Variants in TOGARAM1 observed in about 807,000 individuals in gnomAD.
TOGARAM1 encodes TOG array regulator of axonemal microtubules protein 1.
TOGARAM1 carries 100 observed loss-of-function variants against 166.6 expected under a neutral mutation model. The ratio of observed to expected loss-of-function variants is 0.60; its 90% CI spans 0.51 to 0.71. The LOEUF (loss-of-function observed/expected upper bound fraction) is 0.71. TOGARAM1 is among the 30% of genes least tolerant of loss of function. The pLI is 0.00. For missense variants in TOGARAM1, 2,029 were observed against 2,102.7 expected (o/e 0.96, Z 0.69); for synonymous variants, 758 against 763.8 (o/e 0.99, Z 0.13).
chr14:45,063,672 G>T (rs1883008816), intron 16 of TOGARAM1, among the ~76,000 whole-genome samples: 1 of 151,924 alleles, frequency 6.6e-6, no homozygotes, highest in African/African-American at 2.4e-5. Flanking sequence ...TAGAGACAGG[G>T]TTTCACGATG....
At chr14:44,965,803 T>G (rs1885496188) in intron 1 of TOGARAM1, among the ~76,000 whole-genome samples, 1 of 152,158 alleles carries the variant, frequency 6.6e-6, no homozygotes, top group Middle Eastern at 3.4e-3. Context: ...TTTCACCCAC[T>G]GTGTTTAGCA....
intron 2 of TOGARAM1, chr14:44,997,480 G>T (rs1253158491): frequency 6.7e-6 from 1 of 149,848 alleles, no homozygotes; most frequent in Non-Finnish European, 1.5e-5. Flanking sequence ...GATATAGTTT[G>T]CTGGTAGATT....
chr14:45,006,627 CAT>C (rs1401410812), intron 5 of TOGARAM1: 2 of 158,192 alleles, frequency 1.3e-5, no homozygotes, highest in East Asian at 1.8e-4. Context: ...ATAAATGAAA[CAT>C]AGCATAGTTC....
chr14:45,037,289 C>G (rs571628327), intron 11 of TOGARAM1, among the ~76,000 whole-genome samples: 13 of 152,326 alleles, frequency 8.5e-5, no homozygotes, highest in African/African-American at 3.1e-4. Flanking sequence ...GAGGTAAAGC[C>G]TCCCCAGGAT....
chr14:44,991,189 C>G (rs1887111614), intron 1 of TOGARAM1, among the ~76,000 whole-genome samples: 1 of 151,954 alleles, frequency 6.6e-6, no homozygotes, highest in Non-Finnish European at 1.5e-5. Flanking sequence ...AACTCCTGAG[C>G]TCAAATAATC....
chr14:45,022,366 C>G (rs965320713), intron 7 of TOGARAM1, among the ~76,000 whole-genome samples: 4 of 148,950 alleles, frequency 2.7e-5, no homozygotes, highest in African/African-American at 1.0e-4. Context: ...AGTTGCCAGT[C>G]TTCTCCTAGG....
intron 1 of TOGARAM1, among the ~76,000 whole-genome samples, chr14:44,995,264 A>G (rs954229803): frequency 2.6e-5 from 4 of 152,236 alleles, no homozygotes; most frequent in Non-Finnish European, 5.9e-5. Context: ...TAAGGGAACT[A>G]TGACATAGGT....
intron 7 of TOGARAM1, among the ~76,000 whole-genome samples, chr14:45,013,656 C>G (rs1378143137): frequency 2.0e-5 from 3 of 152,188 alleles, no homozygotes; most frequent in African/African-American, 7.2e-5. Flanking sequence ...AATCTAAGTT[C>G]ATGACATATA....
chr14:44,973,016 TG>T (rs1402407378), intron 1 of TOGARAM1, among the ~76,000 whole-genome samples: 4 of 149,614 alleles, frequency 2.7e-5, no homozygotes, highest in Non-Finnish European at 5.9e-5. Context: ...ACTTGGGTTT[TG>T]TTTTTTGACC....
Position 44,962,464 on chromosome 14 carries a change from C to T in TOGARAM1, c.43C>T (p.Pro15Ser). 1.9e-6 allele frequency: 3 copies of T among 1,597,180 alleles called. No homozygotes were observed. Among genetic ancestry groups the T allele is most frequent in the East Asian group, 2.2e-5 (1 of 44,724 alleles). ...PSALLLLPPF[P>S]VLSTYRLQSR... ...CGCGCTGCTTCTGCTGCCGCCCTTTCCAGTCCTCTCTACCTATCGGCTCCA... is the reference window on the plus strand; with the variant it reads ...CGCGCTGCTTCTGCTGCCGCCCTTTTCAGTCCTCTCTACCTATCGGCTCCA... The change falls in exon 1 of 20, where the codon CCA (proline) becomes TCA (serine). Residue 15 changes from proline to serine, a missense_variant. Around this residue, in one of 2 missense-constraint regions of TOGARAM1, gnomAD observed 1,453 missense variants for 1,432.2 expected, o/e 1.01. Coordinates refer to ENST00000361462, the MANE Select transcript of TOGARAM1 (RefSeq NM_001308120.2).
chr14:45,071,924 G>A (rs1283546791), intron 19 of TOGARAM1, 126 bp downstream of exon 19: 1 of 646,556 alleles, frequency 1.5e-6, no homozygotes, highest in Non-Finnish European at 2.6e-6. Flanking sequence ...AATAAATTGT[G>A]TAATGATCCA....
chr14:44,970,964 G>A (rs1885855802), intron 1 of TOGARAM1, among the ~76,000 whole-genome samples: 1 of 151,972 alleles, frequency 6.6e-6, no homozygotes, highest in Admixed American at 6.5e-5. Flanking sequence ...ATTTTCACAT[G>A]TTTGTTCATA....
At chr14:45,030,973 G>A (rs1463411436) in intron 10 of TOGARAM1, among the ~76,000 whole-genome samples, 1 of 152,138 alleles carries the variant, frequency 6.6e-6, no homozygotes, top group Non-Finnish European at 1.5e-5. Context: ...AGTTTGCAAA[G>A]CATTTATCCC....
chr14:44,975,249 C>T (rs1043379128), intron 1 of TOGARAM1, among the ~76,000 whole-genome samples: 3 of 152,028 alleles, frequency 2.0e-5, no homozygotes, highest in Admixed American at 1.3e-4. Flanking sequence ...GGATGCCCCC[C>T]CACCAGGTGA....
In TOGARAM1 at chr14:45,046,678, G is replaced by T; in HGVS notation, c.4288G>T (p.Ala1430Ser). Residue 1430 changes from alanine to serine, a missense_variant, in exon 14 of 20, where the codon GCT (alanine) becomes TCT (serine). Physicochemically the swap from Ala to Ser is moderately conservative, Grantham distance 99. Coordinates refer to ENST00000361462, the MANE Select transcript of TOGARAM1 (RefSeq NM_001308120.2). ...ERILPAAAKF[A>S]QDSSQETRYY... ...CATATTACCAGCTGCTGCTAAGTTTGCTCAAGACAGTTCACAAGAAACCAG... is the reference window on the plus strand; with the variant it reads ...CATATTACCAGCTGCTGCTAAGTTTTCTCAAGACAGTTCACAAGAAACCAG... 3.1e-6 allele frequency: 4 copies of T among 1,303,082 alleles called. No homozygotes were observed. The highest frequency in any genetic ancestry group is 3.9e-6 in the Non-Finnish European group (4 of 1,015,702). 80.7% of individuals were successfully genotyped at this position (1,303,082 alleles called of 1,614,324 possible). A position where few individuals can be genotyped will look rare whatever the true frequency, so the allele number is the denominator to read the frequency against.
rs1594614239 is a variant in TOGARAM1, at chr14:44,977,772, A to C, written c.2046+13305A>C. Among the ~76,000 whole-genome samples, 3 of 151,804 alleles carry C rather than the reference A, an allele frequency of 2.0e-5. No homozygotes were observed. In the South Asian group the frequency reaches 6.2e-4, roughly 32 times the overall value. On this transcript the variant is annotated intron_variant, in intron 1 of 19. Coordinates refer to ENST00000361462, the MANE Select transcript of TOGARAM1 (RefSeq NM_001308120.2). ...GCGATTCTCCTGCCTCAGCCTCCCA[A>C]GTAGCTGGGACTACAGGCGTGTGCC...
chr14:45,032,947 C>T (rs1881244326), intron 11 of TOGARAM1, among the ~76,000 whole-genome samples: 1 of 152,116 alleles, frequency 6.6e-6, no homozygotes, highest in Non-Finnish European at 1.5e-5. Flanking sequence ...GCCATAATAT[C>T]TCTTATTTTT....
At chr14:45,067,374 A>C (rs773095498) in intron 17 of TOGARAM1, among the ~76,000 whole-genome samples, 5 of 152,138 alleles carry the variant, frequency 3.3e-5, no homozygotes, top group Admixed American at 6.5e-5. Context: ...TTGCTTTAGA[A>C]CAGATAATAA....
intron 8 of TOGARAM1, 124 bp from the exon 9 acceptor site, chr14:45,027,175 A>G (rs1298688878): frequency 2.4e-6 from 2 of 847,234 alleles, no homozygotes; most frequent in East Asian, 2.7e-5. Context: ...ATAATTATTT[A>G]GCATGTTTTT....
Sources: gnomAD v4.1 joint callset for allele counts (sites outside exome capture counted in the v4.1 genomes callset) on GRCh38, gnomAD v4.1.1 for gene constraint, gnomAD v4.1.1 regional missense constraint, MANE v1.5 for transcripts, NCBI Gene and HGNC (gene_info 2026-07-23, HGNC 2026-07-21) for gene names.